MACROD2: variants seen among roughly 807,000 people sequenced by gnomAD.
The protein encoded by MACROD2 is mono-ADP ribosylhydrolase 2, also known as ADP-ribose glycohydrolase MACROD2.
MACROD2 carries 36 observed loss-of-function variants against 70.4 expected under a neutral mutation model. That is an observed-to-expected ratio of 0.51 (90% CI 0.39 to 0.68). MACROD2 has a LOEUF of 0.68. Among genes scored for constraint, MACROD2 ranks in the 30% least tolerant of loss-of-function variants. The probability of loss-of-function intolerance (pLI) is 0.00; values close to 1 mark genes in which losing one functional copy is unlikely to be tolerated. For missense variants in MACROD2, 496 were observed against 538.4 expected (o/e 0.92, Z 0.78); for synonymous variants, 172 against 178.8 (o/e 0.96, Z 0.30).
chr20:15,313,399 C>T (rs1020734104), intron 6 of MACROD2, among the ~76,000 whole-genome samples: 2 of 149,204 alleles, frequency 1.3e-5, no homozygotes, highest in Admixed American at 6.8e-5. Context: ...CCCAGCTACT[C>T]GGGAGGCTGA....
intron 8 of MACROD2, among the ~76,000 whole-genome samples, chr20:15,500,660 T>C (rs899971249): frequency 1.3e-5 from 2 of 152,192 alleles, no homozygotes; most frequent in Non-Finnish European, 2.9e-5. Flanking sequence ...GCTATTTTCC[T>C]TGGGTAGGAG....
Position 14,381,570 on chromosome 20 carries a change from T to C in MACROD2, c.272-111909T>C, listed in dbSNP as rs975345378. 2.4e-4 allele frequency among the ~76,000 whole-genome samples: 36 copies of C among 152,194 alleles called. 2 individuals carry two copies. Among genetic ancestry groups the C allele is most frequent in the Non-Finnish European group, 2.9e-5 (2 of 68,036 alleles). ...AAGCTTGATATATTGGGAAGAACTT[T>C]TTACTAACATTATTTATCACTTACA... On this transcript the variant is annotated intron_variant, in intron 3 of 17. Coordinates refer to ENST00000684519, the MANE Select transcript of MACROD2 (RefSeq NM_001351661.2).
chr20:15,580,326 C>T (rs191224086), intron 8 of MACROD2, among the ~76,000 whole-genome samples: 1 of 152,238 alleles, frequency 6.6e-6, no homozygotes, highest in African/African-American at 2.4e-5. Context: ...GTCCGGGATC[C>T]TATCTGCCTT....
At chr20:15,011,028 G>A (rs893993479) in intron 5 of MACROD2, among the ~76,000 whole-genome samples, 2 of 152,174 alleles carry the variant, frequency 1.3e-5, no homozygotes, top group Non-Finnish European at 2.9e-5. Context: ...GAGTGATGCT[G>A]CCTGATGCTA....
intron 5 of MACROD2, among the ~76,000 whole-genome samples, chr20:14,714,667 C>A (rs1364426238): frequency 6.6e-6 from 1 of 152,112 alleles, no homozygotes; most frequent in African/African-American, 2.4e-5. Context: ...AGGGACTTTG[C>A]TGTTTCCTCT....
chr20:14,733,562 G>A (rs573573434), intron 5 of MACROD2, among the ~76,000 whole-genome samples: 1 of 152,156 alleles, frequency 6.6e-6, no homozygotes, highest in Non-Finnish European at 1.5e-5. Context: ...AAGAATTACA[G>A]CATAGCATAG....
chr20:14,216,695 T>C (rs918028277), intron 3 of MACROD2, among the ~76,000 whole-genome samples: 2 of 152,182 alleles, frequency 1.3e-5, no homozygotes, highest in African/African-American at 4.8e-5. Flanking sequence ...CAGTGTTTTG[T>C]AGGTTTCCTT....
At chr20:14,775,221 G>T (rs1158645580) in intron 5 of MACROD2, among the ~76,000 whole-genome samples, 1 of 152,088 alleles carries the variant, frequency 6.6e-6, no homozygotes, top group Non-Finnish European at 1.5e-5. Flanking sequence ...TGAAGGTATT[G>T]TACACATTTA....
chr20:14,503,591 A>T (rs1429154851), intron 4 of MACROD2, among the ~76,000 whole-genome samples: 1 of 152,220 alleles, frequency 6.6e-6, no homozygotes, highest in Non-Finnish European at 1.5e-5. Context: ...CCAGGAGAAG[A>T]TGAACAAGAA....
intron 5 of MACROD2, among the ~76,000 whole-genome samples, chr20:14,805,743 C>G (rs562868676): frequency 6.6e-6 from 1 of 152,178 alleles, no homozygotes; most frequent in African/African-American, 2.4e-5. Flanking sequence ...ATACGTCTAA[C>G]AAGACTCATC....
At chr20:16,029,178 T>C (rs1271954839) in intron 15 of MACROD2, among the ~76,000 whole-genome samples, 2 of 152,196 alleles carry the variant, frequency 1.3e-5, no homozygotes. Flanking sequence ...CCTCATGACC[T>C]CATTTAACCT....
At chr20:15,380,249 G>A (rs2045625114) in intron 6 of MACROD2, among the ~76,000 whole-genome samples, 1 of 152,038 alleles carries the variant, frequency 6.6e-6, no homozygotes, top group South Asian at 2.1e-4. Flanking sequence ...TATTTTTGTA[G>A]CAGGATGTTA....
intron 4 of MACROD2, among the ~76,000 whole-genome samples, chr20:14,571,522 G>A (rs1350186122): frequency 6.6e-6 from 1 of 151,982 alleles, no homozygotes; most frequent in Non-Finnish European, 1.5e-5. Flanking sequence ...TGTTTATTGA[G>A]TATCTATTAT....
At chr20:15,303,336 C>A (rs1473371729) in intron 6 of MACROD2, among the ~76,000 whole-genome samples, 1 of 152,182 alleles carries the variant, frequency 6.6e-6, no homozygotes, top group African/African-American at 2.4e-5. Context: ...GCCCCAGCAG[C>A]AAACTCTGCC....
chr20:15,173,264 G>A (rs976977644), intron 5 of MACROD2, among the ~76,000 whole-genome samples: 6 of 152,132 alleles, frequency 3.9e-5, no homozygotes, highest in African/African-American at 1.4e-4. Flanking sequence ...ATGATTTCCT[G>A]AAAATGCTTC....
intron 8 of MACROD2, among the ~76,000 whole-genome samples, chr20:15,828,659 G>A (rs2064023198): frequency 6.6e-6 from 1 of 152,136 alleles, no homozygotes; most frequent in Admixed American, 6.6e-5. Context: ...TGAGTAGATT[G>A]GGTTCACTGG....
intron 4 of MACROD2, among the ~76,000 whole-genome samples, chr20:14,647,281 A>G (rs1347741671): frequency 6.6e-6 from 1 of 152,134 alleles, no homozygotes; most frequent in African/African-American, 2.4e-5. Context: ...ATTTAGACGA[A>G]GCTACCCAGT....
rs141220294 is a variant in MACROD2, at chr20:15,339,016, A to G, written c.541-92389A>G. On this transcript the variant is annotated intron_variant, in intron 6 of 17. Coordinates refer to ENST00000684519, the MANE Select transcript of MACROD2 (RefSeq NM_001351661.2). Reference sequence around the variant, plus strand: ...ACAACTGGCTTCATTGGCTCCTTCAAATAAACCCGTTTAATCTATTATAGC... The same window carrying G: ...ACAACTGGCTTCATTGGCTCCTTCAGATAAACCCGTTTAATCTATTATAGC... Among the ~76,000 whole-genome samples the G allele has an allele frequency of 1.1e-3, 166 of 151,930 alleles. 7 individuals carry two copies. Among genetic ancestry groups the G allele is most frequent in the Middle Eastern group, 6.8e-3 (2 of 294 alleles).
chr20:14,193,792 G>A (rs1038240724), intron 3 of MACROD2, among the ~76,000 whole-genome samples: 2 of 152,174 alleles, frequency 1.3e-5, no homozygotes, highest in African/African-American at 2.4e-5. Context: ...CAATTGGAAC[G>A]AGGCAGAAAT....
Sources: gnomAD v4.1 joint callset for allele counts (sites outside exome capture counted in the v4.1 genomes callset) on GRCh38, gnomAD v4.1.1 for gene constraint, MANE v1.5 for transcripts, NCBI Gene and HGNC (gene_info 2026-07-23, HGNC 2026-07-21) for gene names.